The following PDE1C variants were observed in gnomAD, a reference collection of about 807,000 sequenced individuals.
The protein encoded by PDE1C is dual specificity calcium/calmodulin-dependent 3',5'-cyclic nucleotide phosphodiesterase 1C.
PDE1C carries 62 observed loss-of-function variants against 93.1 expected under a neutral mutation model. The observed-to-expected ratio is 0.67, with a 90% confidence interval of 0.54 to 0.82. The LOEUF (loss-of-function observed/expected upper bound fraction) is 0.82. PDE1C is among the 40% of genes least tolerant of loss of function. The pLI, the probability that PDE1C is intolerant of heterozygous loss-of-function variation, is 0.00. For synonymous variants in PDE1C, 325 were observed against 310.1 expected, an observed-to-expected ratio of 1.05 and a Z score of -0.50; for missense variants, 742 against 884.6, an observed-to-expected ratio of 0.84 and a Z score of 2.04.
intron 1 of PDE1C, among the ~76,000 whole-genome samples, chr7:32,056,126 G>A (rs535146128): frequency 2.0e-5 from 3 of 152,220 alleles, no homozygotes; most frequent in East Asian, 1.9e-4. Flanking sequence ...CCAAGCTGAT[G>A]TAGAAAGTAG....
In PDE1C at chr7:31,974,683, TTCAC is replaced by T. The variant is rs544584331; in HGVS notation, c.128+76867_128+76870del. Among the ~76,000 whole-genome samples the T allele has an allele frequency of 5.4e-4, 82 of 152,266 alleles. 1 individual carries two copies. Among genetic ancestry groups the T allele is most frequent in the Non-Finnish European group, 1.9e-4 (13 of 68,024 alleles). ...CTCTGGCCTATGTCCCTTAAGTCTC[TTCAC>T]CTCACTCCTAGGGTTCTTGAATAAA... On this transcript the variant is annotated intron_variant, in intron 2 of 17. Transcript: ENST00000396191.
intron 1 of PDE1C, among the ~76,000 whole-genome samples, chr7:32,336,510 A>G (rs1310526765): frequency 6.6e-6 from 1 of 152,230 alleles, no homozygotes; most frequent in Non-Finnish European, 1.5e-5. Context: ...TACAATTGAC[A>G]TGAAAATGGG....
intron 1 of PDE1C, among the ~76,000 whole-genome samples, chr7:32,376,661 C>A (rs949692528): frequency 3.3e-5 from 5 of 152,156 alleles, no homozygotes; most frequent in African/African-American, 7.2e-5. Context: ...AAGAACATGT[C>A]TCTTTGGATA....
intron 1 of PDE1C, among the ~76,000 whole-genome samples, chr7:32,339,834 A>G (rs1783712691): frequency 6.6e-6 from 1 of 151,666 alleles, no homozygotes; most frequent in Non-Finnish European, 1.5e-5. Flanking sequence ...GAATGTTTGT[A>G]GAGAACTGTG....
intron 2 of PDE1C, among the ~76,000 whole-genome samples, chr7:32,012,136 G>A (rs1787217516): frequency 6.6e-6 from 1 of 152,182 alleles, no homozygotes; most frequent in Non-Finnish European, 1.5e-5. Context: ...CTGAGGCTAG[G>A]TAATTCCTAA....
intron 1 of PDE1C, among the ~76,000 whole-genome samples, chr7:32,297,955 ATCTCTCTCTCTCTCTCTC>A (rs768784407): frequency 6.9e-5 from 2 of 28,942 alleles, no homozygotes; most frequent in Non-Finnish European, 1.2e-4. Context: ...CTATTGTTCA[ATCTCTCTCTCTCTCTCTC>A]TCTCTCTCTC....
the PDE1C span, among the ~76,000 whole-genome samples, chr7:31,731,467 T>C: frequency 2.7e-4 from 41 of 152,254 alleles, no homozygotes; most frequent in African/African-American, 9.6e-4. Flanking sequence ...CTCAGCTCAC[T>C]GCAACCTCCG....
At chr7:31,669,115 A>C in the PDE1C span, among the ~76,000 whole-genome samples, 2 of 152,166 alleles carry the variant, frequency 1.3e-5, no homozygotes, top group Admixed American at 6.5e-5. Flanking sequence ...ACATGATGTG[A>C]CGCATTTTAA....
intron 2 of PDE1C, among the ~76,000 whole-genome samples, chr7:31,978,225 A>G (rs537295150): frequency 6.6e-6 from 1 of 152,152 alleles, no homozygotes; most frequent in South Asian, 2.1e-4. Context: ...AGTCTCTCCA[A>G]TTCAGATCTC....
chr7:31,775,876 T>C, intron 16 of PDE1C, 144 bp from the exon 17 acceptor site: 1 of 681,258 alleles, frequency 1.5e-6, no homozygotes, highest in South Asian at 1.8e-5. Context: ...GGGTGGTGCA[T>C]ATTCTGTGGT....
At chr7:31,935,060 CTTA>C (rs61500868) in intron 2 of PDE1C, among the ~76,000 whole-genome samples, 63,932 of 151,756 alleles carry the variant, frequency 0.42, 15,233 homozygotes, top group Non-Finnish European at 0.54. Flanking sequence ...TTGTTTTTAT[CTTA>C]TAACCTTCCA....
At chr7:31,836,936 A>G (rs1791189536) in intron 11 of PDE1C, among the ~76,000 whole-genome samples, 1 of 116,004 alleles carries the variant, frequency 8.6e-6, no homozygotes, top group African/African-American at 2.5e-5. Flanking sequence ...AGACTGCTAC[A>G]AGGAAATACT....
chr7:31,627,151 G>C, the PDE1C span, among the ~76,000 whole-genome samples: 3 of 152,094 alleles, frequency 2.0e-5, no homozygotes, highest in African/African-American at 7.2e-5. Context: ...CTCCTCAATG[G>C]CTGGGCTGTG....
chr7:32,070,415 G>A (rs1410474820), upstream of PDE1C: 9 of 1,613,778 alleles, frequency 5.6e-6, no homozygotes, highest in Non-Finnish European at 7.6e-6. Flanking sequence ...GGTGACCACT[G>A]GCGGTGAAGC....
At position 32,350,572 on chromosome 7, in the gene PDE1C, ATATATATATATATATATATT is replaced by A. The variant is rs1217902858; in HGVS notation, c.310+77230_310+77249del. Among the ~76,000 whole-genome samples the A allele has an allele frequency of 9.3e-4, 3 of 3,238 alleles. 1 individual carries two copies. Among genetic ancestry groups the A allele is most frequent in the African/African-American group, 1.1e-3 (3 of 2,816 alleles). 2.1% of individuals were successfully genotyped at this position (3,238 alleles called of 152,430 possible). A position where few individuals can be genotyped will look rare whatever the true frequency, so the allele number is the denominator to read the frequency against. ...AATATATATATATATATATATATATATATATATATATATATATATTTTTTTTTTTTTTTTTATTATACTCT... is the reference window on the plus strand; with the variant it reads ...AATATATATATATATATATATATATATTTTTTTTTTTTTTTATTATACTCT... On this transcript the variant is annotated intron_variant, in intron 1 of 1. Coordinates refer to the PDE1C transcript ENST00000672256.
intron 2 of PDE1C, among the ~76,000 whole-genome samples, chr7:32,181,819 T>C (rs1803456170): frequency 6.6e-6 from 1 of 151,914 alleles, no homozygotes; most frequent in Admixed American, 6.6e-5. Context: ...CTGAAGGAAA[T>C]AGAGACACAA....
chr7:32,286,527 T>C (rs1015668823), intron 1 of PDE1C, among the ~76,000 whole-genome samples: 2 of 152,182 alleles, frequency 1.3e-5, no homozygotes, highest in Non-Finnish European at 2.9e-5. Context: ...TGTGTGCATA[T>C]AATTGGTGAG....
At chr7:31,992,107 C>T (rs918838009) in intron 2 of PDE1C, among the ~76,000 whole-genome samples, 2 of 152,174 alleles carry the variant, frequency 1.3e-5, no homozygotes, top group African/African-American at 4.8e-5. Context: ...GACTTGTTCC[C>T]CAGTGGGATC....
At chr7:31,924,468 A>G (rs557015516) in intron 2 of PDE1C, among the ~76,000 whole-genome samples, 42 of 152,360 alleles carry the variant, frequency 2.8e-4, no homozygotes, top group African/African-American at 1.0e-3. Flanking sequence ...CTTCAGGGAC[A>G]GAAGGCACTT....
Sources: gnomAD v4.1 joint callset for allele counts (sites outside exome capture counted in the v4.1 genomes callset) on GRCh38, gnomAD v4.1.1 for gene constraint, MANE v1.5 for transcripts, NCBI Gene and HGNC (gene_info 2026-07-23, HGNC 2026-07-21) for gene names.